DIP2C: variants seen among roughly 807,000 people sequenced by gnomAD.
DIP2C encodes disco-interacting protein 2 homolog C.
In DIP2C, 33 loss-of-function variants were observed where a neutral mutation model predicts 192.4. That is an observed-to-expected ratio of 0.17 (90% CI 0.13 to 0.23). The LOEUF (loss-of-function observed/expected upper bound fraction) is 0.23, where lower values mean the gene tolerates loss of function less well. DIP2C is among the 10% of genes least tolerant of loss of function. DIP2C has a pLI of 1.00. For synonymous variants in DIP2C, 979 were observed against 864.1 expected, an observed-to-expected ratio of 1.13 and a Z score of -2.33; for missense variants, 1,537 against 2,110.1, an observed-to-expected ratio of 0.73 and a Z score of 5.32.
At chr10:590,799 A>AC (rs1203940640) in intron 1 of DIP2C, among the ~76,000 whole-genome samples, 1 of 152,190 alleles carries the variant, frequency 6.6e-6, no homozygotes, top group Non-Finnish European at 1.5e-5. Context: ...CATTCTGATG[A>AC]CCTAGGCAGG....
intron 24 of DIP2C, among the ~76,000 whole-genome samples, chr10:349,846 G>A (rs1958705242): frequency 6.6e-6 from 1 of 152,166 alleles, no homozygotes; most frequent in East Asian, 1.9e-4. Context: ...CACATCGGAA[G>A]ACTAATTAAA....
At chr10:454,328 C>T (rs951857068) in intron 3 of DIP2C, among the ~76,000 whole-genome samples, 3 of 152,146 alleles carry the variant, frequency 2.0e-5, no homozygotes, top group Admixed American at 6.5e-5. Flanking sequence ...AACTAAAATA[C>T]ATTTAACAGC....
intron 35 of DIP2C, among the ~76,000 whole-genome samples, chr10:282,669 G>A (rs1005511266): frequency 6.6e-6 from 1 of 152,236 alleles, no homozygotes; most frequent in South Asian, 2.1e-4. Flanking sequence ...AAATACCCCT[G>A]GCTTCACCCT....
intron 3 of DIP2C, among the ~76,000 whole-genome samples, chr10:444,228 C>T (rs1238119445): frequency 1.3e-5 from 2 of 151,128 alleles, no homozygotes; most frequent in East Asian, 3.9e-4. Flanking sequence ...GATTCTCTAC[C>T]ATTGCATGGA....
At chr10:400,046 T>C (rs751129707) in intron 9 of DIP2C, among the ~76,000 whole-genome samples, 14 of 152,214 alleles carry the variant, frequency 9.2e-5, no homozygotes, top group Non-Finnish European at 2.1e-4. Context: ...CTAATAGATA[T>C]TATGATTTTT....
intron 31 of DIP2C, among the ~76,000 whole-genome samples, chr10:313,530 A>G (rs1956649851): frequency 6.6e-6 from 1 of 152,176 alleles, no homozygotes; most frequent in South Asian, 2.1e-4. Flanking sequence ...TGAATGATAC[A>G]GTACAACTAT....
At chr10:354,112 C>T (rs1589584057) in intron 24 of DIP2C, among the ~76,000 whole-genome samples, 1 of 152,218 alleles carries the variant, frequency 6.6e-6, no homozygotes, top group South Asian at 2.1e-4. Context: ...GCGTGCCTGC[C>T]TCTGTGTCCA....
At chr10:568,155 C>CCA (rs1435463581) in intron 1 of DIP2C, among the ~76,000 whole-genome samples, 2 of 152,192 alleles carry the variant, frequency 1.3e-5, no homozygotes, top group African/African-American at 2.4e-5. Context: ...CACCAAGCCC[C>CCA]CAAAAGGGAG....
At chr10:664,699 T>C (rs1369937315) in intron 1 of DIP2C, 1 of 152,218 alleles carries the variant, frequency 6.6e-6, no homozygotes, top group Non-Finnish European at 1.5e-5. Context: ...ACTTTTTACA[T>C]TTTAAAAAAT....
intron 10 of DIP2C, among the ~76,000 whole-genome samples, chr10:393,778 CAAAA>C (rs34390976): frequency 3.0e-5 from 2 of 66,734 alleles, no homozygotes; most frequent in African/African-American, 6.3e-5. Context: ...GACTCCGTCT[CAAAA>C]AAAAAAAAAA....
intron 1 of DIP2C, among the ~76,000 whole-genome samples, chr10:579,771 T>C (rs1190423477): frequency 6.6e-6 from 1 of 151,924 alleles, no homozygotes; most frequent in Non-Finnish European, 1.5e-5. Context: ...ATGCAGAGCA[T>C]ACACATCCAT....
intron 1 of DIP2C, among the ~76,000 whole-genome samples, chr10:672,711 T>C (rs1162075359): frequency 6.6e-6 from 1 of 152,202 alleles, no homozygotes. Flanking sequence ...ACAGAGGTGA[T>C]TCCTGGAACT....
chr10:367,186 G>A (rs867049825), intron 18 of DIP2C, among the ~76,000 whole-genome samples: 14 of 152,214 alleles, frequency 9.2e-5, no homozygotes, highest in Admixed American at 6.5e-4. Flanking sequence ...GGGAGGCCGA[G>A]GCGGGCGGAT....
intron 1 of DIP2C, among the ~76,000 whole-genome samples, chr10:543,298 G>A (rs1458228317): frequency 2.6e-5 from 4 of 152,238 alleles, no homozygotes; most frequent in Non-Finnish European, 4.4e-5. Context: ...CTGTGCAGGT[G>A]CCATCACTGA....
intron 3 of DIP2C, among the ~76,000 whole-genome samples, chr10:450,038 T>A (rs921607797): frequency 6.6e-6 from 1 of 151,984 alleles, no homozygotes; most frequent in Admixed American, 6.6e-5. Context: ...AATCTCACCA[T>A]CTCGAATGGG....
chr10:386,942 C>A (rs1962988168), intron 14 of DIP2C, among the ~76,000 whole-genome samples: 1 of 152,174 alleles, frequency 6.6e-6, no homozygotes, highest in South Asian at 2.1e-4. Flanking sequence ...CGAAAAGTGC[C>A]CAAGCCCGGC....
chr10:600,333 CAGCCAGCCCAGGGGATG>C (rs1851975688), intron 1 of DIP2C, among the ~76,000 whole-genome samples: 1 of 152,106 alleles, frequency 6.6e-6, no homozygotes, highest in African/African-American at 2.4e-5. Context: ...ACTCCTTCCT[CAGCCAGCCCAGGGGATG>C]AGCTGCTAAT....
At chr10:482,889 G>A (rs970893031) in intron 2 of DIP2C, among the ~76,000 whole-genome samples, 31 of 152,224 alleles carry the variant, frequency 2.0e-4, no homozygotes, top group Non-Finnish European at 3.8e-4. Flanking sequence ...AAGGGTGAGA[G>A]CGAAGTGGGC....
chr10:342,163 C>CT (rs943038790), intron 28 of DIP2C, among the ~76,000 whole-genome samples: 100 of 149,028 alleles, frequency 6.7e-4, no homozygotes, highest in African/African-American at 2.3e-3. Flanking sequence ...CACTCTCTCT[C>CT]TTTTTTTTTT....
Sources: gnomAD v4.1 joint callset for allele counts (sites outside exome capture counted in the v4.1 genomes callset) on GRCh38, gnomAD v4.1.1 for gene constraint, MANE v1.5 for transcripts, NCBI Gene and HGNC (gene_info 2026-07-23, HGNC 2026-07-21) for gene names.